Variants in PLXNA3 observed in about 807,000 individuals in gnomAD.
PLXNA3 encodes plexin A3.
Under a neutral mutation model 118.8 loss-of-function variants are expected in PLXNA3, and 52 were observed. That is an observed-to-expected ratio of 0.44 (90% confidence interval 0.35 to 0.55). The LOEUF is 0.55. Ranked by LOEUF, PLXNA3 falls within the 20% of genes least tolerant of loss-of-function variation. The probability of loss-of-function intolerance (pLI) is 0.01; values close to 1 mark genes in which losing one functional copy is unlikely to be tolerated. For synonymous variants in PLXNA3, 925 were observed against 762.4 expected (o/e 1.21, Z -3.51); for missense variants, 1,660 against 1,730.8 (o/e 0.96, Z 0.73).
Position 154,462,181 on chromosome X carries a change from A to G in PLXNA3, c.1188A>G (p.Gly396=). 8.3e-7 allele frequency: 1 copy of G among 1,204,637 alleles called. No homozygotes were observed. Among genetic ancestry groups the G allele is most frequent in the Non-Finnish European group, 1.1e-6 (1 of 891,903 alleles). The change falls in exon 4 of 33, where the codon GGA becomes GGG. Residue 396 remains glycine (G), a synonymous_variant. Coordinates refer to ENST00000369682, the MANE Select transcript of PLXNA3 (RefSeq NM_017514.5). ...GGCTGGTGTTGAACCAGCCTCTGGG[A>G]GGCCTGCATGTGATCGAGGGGCTGC... ...FCGLVLNQPL[G]GLHVIEGLPL...
In PLXNA3 at chrX:154,466,076, G is replaced by A. The variant is rs782428478; in HGVS notation, c.2674G>A (p.Glu892Lys). 8.3e-7 allele frequency: 1 copy of A among 1,207,914 alleles called. No individual in the cohort carries two copies. The highest frequency in any genetic ancestry group is 1.1e-6 in the Non-Finnish European group (1 of 893,714). The change falls in exon 14 of 33, where the codon GAG becomes AAG. Residue 892 changes from glutamate (E) to lysine (K), a missense_variant. Physicochemically the swap from Glu to Lys is moderately conservative, Grantham distance 56. Around this residue, in one of 2 missense-constraint regions of PLXNA3, gnomAD observed 869 missense variants for 1,078.7 expected, o/e 0.81. Transcript: ENST00000369682. ...CATTCCGGCCGAGTACATCAGTGCT[G>A]AGAGGTGAGTGCGGCTCTGTGGGTG... ...NSIPAEYISAERIVCEMEESL... is the reference protein window; with the variant it reads ...NSIPAEYISAKRIVCEMEESL...
chrX:154,472,826 C>T lies in PLXNA3; in HGVS notation c.*141C>T, dbSNP rs971659085. 51 of 465,299 alleles carry T rather than the reference C, an allele frequency of 1.1e-4. No individual in the cohort carries two copies. The highest frequency in any genetic ancestry group is 1.7e-4 in the Non-Finnish European group (43 of 257,532). 38.3% of individuals were successfully genotyped at this position (465,299 alleles called of 1,213,427 possible). A position where few individuals can be genotyped will look rare whatever the true frequency, so the allele number is the denominator to read the frequency against. On this transcript the variant is annotated 3_prime_UTR_variant, in exon 33 of 33. Transcript: ENST00000369682. ...CAGGTCACCCTGGCCACGATGCCCCCGGCACACCCAGGCCCCCTTCATTAG... is the reference window on the plus strand; with the variant it reads ...CAGGTCACCCTGGCCACGATGCCCCTGGCACACCCAGGCCCCCTTCATTAG...
intron 24 of PLXNA3, 29 bp from the exon 25 acceptor site, chrX:154,468,794 G>A: frequency 1.7e-6 from 2 of 1,211,434 alleles, no homozygotes; most frequent in Non-Finnish European, 2.2e-6. Context: ...CAGGCAGGCA[G>A]CCAGCTGTGC....
Position 154,460,474 on chromosome X carries a change from C to G in PLXNA3, c.291C>G (p.Asn97Lys). 8.3e-7 allele frequency: 1 copy of G among 1,206,967 alleles called. No individual in the cohort carries two copies. Residue 97 changes from asparagine to lysine, a missense_variant, in exon 2 of 33, where the codon AAC becomes AAG. Asn to Lys is a moderately conservative substitution (Grantham distance 94, BLOSUM62 0). Transcript: ENST00000369682. Reference sequence around the variant, plus strand: ...GCCTGGCCCCCGTGGACAACATCAACAAGCTGCTGCTCATAGACTATGCGG... The same window carrying G: ...GCCTGGCCCCCGTGGACAACATCAAGAAGCTGCTGCTCATAGACTATGCGG... ...AHRLAPVDNI[N>K]KLLLIDYAAR...
In PLXNA3 at chrX:154,460,429, C is replaced by T; in HGVS notation, c.246C>T (p.Ser82=). 1 of 1,202,857 alleles carries T rather than the reference C, an allele frequency of 8.3e-7. No homozygotes were observed. ...EDNARCYPPP[S]MRVCAHRLAP... is the part of the protein sequence containing the mutation. ...ACGCTCGCTGCTACCCGCCCCCCAG[C>T]ATGCGCGTGTGTGCCCACCGCCTGG... The change falls in exon 2 of 33, where the codon AGC becomes AGT. Residue 82 remains serine, a synonymous_variant. Transcript: ENST00000369682.
Position 154,461,595 on chromosome X carries a change from C to T in PLXNA3, c.1091C>T (p.Ala364Val), listed in dbSNP as rs1325424471. ...QSCYRGEGTL[A>V]LPWLLNKELP... is the part of the protein sequence containing the mutation. Reference sequence around the variant, plus strand: ...TGCTATCGTGGGGAGGGCACTCTGGCTCTGCCCTGGCTGCTGAACAAGGAG... The same window carrying T: ...TGCTATCGTGGGGAGGGCACTCTGGTTCTGCCCTGGCTGCTGAACAAGGAG... Residue 364 changes from alanine to valine, a missense_variant, in exon 3 of 33, where the codon GCT becomes GTT. By Grantham distance (64) the Ala-to-Val change is moderately conservative. Coordinates refer to ENST00000369682, the MANE Select transcript of PLXNA3 (RefSeq NM_017514.5). The T allele has an allele frequency of 8.3e-7, 1 of 1,201,896 alleles. No homozygotes were observed. Among genetic ancestry groups the T allele is most frequent in the Non-Finnish European group, 1.1e-6 (1 of 894,027 alleles).
intron 4 of PLXNA3, among the ~76,000 whole-genome samples, 177 bp from the exon 5 acceptor site, chrX:154,463,214 G>C (rs1209629507): frequency 1.8e-5 from 2 of 110,643 alleles, no homozygotes. Context: ...TGTTTGCTGA[G>C]GGCATTTTCT....
At position 154,466,829 on chromosome X, in the gene PLXNA3, C is replaced by T. The variant is rs375511122; in HGVS notation, c.3107+36C>T. 23 of 1,108,658 alleles carry T rather than the reference C, an allele frequency of 2.1e-5. No individual in the cohort carries two copies. In the African/African-American group the frequency reaches 3.7e-4, roughly 18 times the overall value. The allele number at this position is 1,108,658 out of a possible 1,213,427, so 91.4% of individuals were successfully genotyped here. On this transcript the variant is annotated intron_variant, in intron 17 of 32. Coordinates refer to ENST00000369682, the MANE Select transcript of PLXNA3 (RefSeq NM_017514.5). ...GGGGGACTGGGGAGCCTGGCAGTGT[C>T]CAGAGGGCTCAGGGACTGGGTGGTC...
Position 154,465,535 on chromosome X carries a change from C to T in PLXNA3, c.2341+15C>T, listed in dbSNP as rs782528387. On this transcript the variant is annotated intron_variant, in intron 12 of 32. Coordinates refer to ENST00000369682, the MANE Select transcript of PLXNA3 (RefSeq NM_017514.5). ...CAGCTTCCGAGGTGAAGGCATGGGC[C>T]AGGGAGCTTCCCTCCTAAGGCAATT... The T allele has an allele frequency of 4.2e-6, 5 of 1,178,764 alleles. No homozygotes were observed. In the South Asian group the frequency reaches 5.3e-5, roughly 13 times the overall value.
At chrX:154,471,034 A>T (rs1410803607) in intron 30 of PLXNA3, 71 bp from the exon 31 acceptor site, 7 of 851,762 alleles carry the variant, frequency 8.2e-6, no homozygotes, top group Non-Finnish European at 1.2e-5. Flanking sequence ...CAGGAAAGAG[A>T]TGTGCACATG....
intron 1 of PLXNA3, among the ~76,000 whole-genome samples, chrX:154,458,959 A>T (rs868916067): frequency 9.2e-6 from 1 of 108,498 alleles, no homozygotes; most frequent in African/African-American, 3.4e-5. Context: ...TGAAGACAGG[A>T]TGTGGCCTCT....
chrX:154,464,241 C>T lies in PLXNA3; in HGVS notation c.1756C>T (p.Leu586=). 1 of 1,208,472 alleles carries T rather than the reference C, an allele frequency of 8.3e-7. No homozygotes were observed. The highest frequency in any genetic ancestry group is 1.1e-6 in the Non-Finnish European group (1 of 894,794). The stretch of plus-strand genomic sequence containing the variant: ...GGCGGCGGCGGAGAACGAGGCGGTC[C>T]TGCTGCCCTCCGGTGAACTGCTCTG... ...FEAAAENEAV[L]LPSGELLCPS... is the part of the protein sequence containing the mutation. The change falls in exon 8 of 33, where the codon CTG becomes TTG. Residue 586 remains leucine (L), a synonymous_variant. Transcript: ENST00000369682.
intron 4 of PLXNA3, 57 bp from the exon 5 acceptor site, chrX:154,463,334 A>G: frequency 1.7e-6 from 2 of 1,205,792 alleles, no homozygotes; most frequent in Non-Finnish European, 2.2e-6. Flanking sequence ...TGGCTGGAGA[A>G]GACAGTGTCC....
At chrX:154,464,598 G>A (rs1217882131) in intron 9 of PLXNA3, 97 bp downstream of exon 9, 36 of 788,847 alleles carry the variant, frequency 4.6e-5, no homozygotes, top group Admixed American at 8.3e-5. Context: ...GGGCATCAGG[G>A]GCTAACTGTC....
rs782327530 is a variant in PLXNA3 at position 154,464,749 on chromosome X, C to T, written c.1929-5C>T. 4.4e-6 allele frequency: 5 copies of T among 1,139,978 alleles called. No individual in the cohort carries two copies. The highest frequency in any genetic ancestry group is 4.7e-6 in the Non-Finnish European group (4 of 847,638). 93.9% of individuals were successfully genotyped at this position (1,139,978 alleles called of 1,213,427 possible). A position where few individuals can be genotyped will look rare whatever the true frequency, so the allele number is the denominator to read the frequency against. On this transcript the variant is annotated splice_polypyrimidine_tract_variant and splice_region_variant and intron_variant, in intron 9 of 32. Coordinates refer to ENST00000369682, the MANE Select transcript of PLXNA3 (RefSeq NM_017514.5). ...CTGTTATTTCTGAAGCCACTTCCCC[C>T]CCAGGTGCATGTCCTGTGTTGGCAG...
Position 154,465,076 on chromosome X carries a change from C to T in PLXNA3, c.2102C>T (p.Pro701Leu). 2.5e-6 allele frequency: 3 copies of T among 1,210,460 alleles called. No individual in the cohort carries two copies. The highest frequency in any genetic ancestry group is 3.4e-6 in the Non-Finnish European group (3 of 894,933). The change falls in exon 11 of 33, where the codon CCT becomes CTT. Residue 701 changes from proline to leucine, a missense_variant. Pro to Leu is a moderately conservative substitution (Grantham distance 98). Coordinates refer to ENST00000369682, the MANE Select transcript of PLXNA3 (RefSeq NM_017514.5). ...DLLIPVGVMQ[P>L]LTLRAKNLPQ... Reference sequence around the variant, plus strand: ...CTGATCCCCGTTGGGGTCATGCAGCCTCTTACCTTGCGGGCTAAGAACCTA... The same window carrying T: ...CTGATCCCCGTTGGGGTCATGCAGCTTCTTACCTTGCGGGCTAAGAACCTA...
In PLXNA3 at chrX:154,465,082, C is replaced by G; in HGVS notation, c.2108C>G (p.Thr703Ser). Residue 703 changes from threonine to serine, a missense_variant, in exon 11 of 33, where the codon ACC becomes AGC. Coordinates refer to ENST00000369682, the MANE Select transcript of PLXNA3 (RefSeq NM_017514.5). Reference sequence around the variant, plus strand: ...CCCGTTGGGGTCATGCAGCCTCTTACCTTGCGGGCTAAGAACCTACCTCAG... The same window carrying G: ...CCCGTTGGGGTCATGCAGCCTCTTAGCTTGCGGGCTAAGAACCTACCTCAG... ...LIPVGVMQPL[T>S]LRAKNLPQPQ... The G allele has an allele frequency of 8.3e-7, 1 of 1,210,269 alleles. No individual in the cohort carries two copies. Among genetic ancestry groups the G allele is most frequent in the Non-Finnish European group, 1.1e-6 (1 of 894,863 alleles).
In PLXNA3 at chrX:154,466,963, G is replaced by A. The variant is rs113586437; in HGVS notation, c.3108-94G>A. The A allele has an allele frequency of 4.9e-3, 4,547 of 918,741 alleles. 139 individuals are homozygous for A. The African/African-American group carries it at 0.076, about 15-fold the overall frequency. The allele number at this position is 918,741 out of a possible 1,213,427, so 75.7% of individuals were successfully genotyped here. On this transcript the variant is annotated intron_variant, in intron 17 of 32. Coordinates refer to ENST00000369682, the MANE Select transcript of PLXNA3 (RefSeq NM_017514.5). ...CACCCACTAGGCGATCCAGGGTCAG[G>A]GAAGGCCTGGGCTGCCATGGCAGCC...
intron 1 of PLXNA3, among the ~76,000 whole-genome samples, chrX:154,459,558 G>A (rs1245295313): frequency 8.9e-6 from 1 of 112,533 alleles, no homozygotes; most frequent in East Asian, 2.8e-4. Context: ...GGGCAGGCGC[G>A]ACTTGGCTTT....
Sources: gnomAD v4.1 joint callset for allele counts (sites outside exome capture counted in the v4.1 genomes callset) on GRCh38, gnomAD v4.1.1 for gene constraint, gnomAD v4.1.1 regional missense constraint, MANE v1.5 for transcripts, NCBI Gene and HGNC (gene_info 2026-07-23, HGNC 2026-07-21) for gene names.